Variants in TXNDC15 observed in about 807,000 individuals in gnomAD.
The protein encoded by TXNDC15 is thioredoxin domain-containing protein 15.
TXNDC15 carries 24 observed loss-of-function variants against 35.0 expected under a neutral mutation model. That is an observed-to-expected ratio of 0.68 (90% CI 0.50 to 0.96). The LOEUF (loss-of-function observed/expected upper bound fraction) is 0.96, where lower values mean the gene tolerates loss of function less well. TXNDC15 is among the 40% of genes least tolerant of loss of function. The probability of loss-of-function intolerance (pLI) is 0.00; values close to 1 mark genes in which losing one functional copy is unlikely to be tolerated. For synonymous variants in TXNDC15, 169 were observed against 174.0 expected, an observed-to-expected ratio of 0.97 and a Z score of 0.23; for missense variants, 385 against 453.3, an observed-to-expected ratio of 0.85 and a Z score of 1.37.
At chr5:134,874,326 C>G (rs930413660), upstream of TXNDC15, 2 of 981,296 alleles carry the variant, frequency 2.0e-6, no homozygotes, top group South Asian at 3.6e-5. Flanking sequence ...AAGATGGCGG[C>G]GCGGGGCCGC....
chr5:134,877,179 G>A (rs943981196), intron 1 of TXNDC15, among the ~76,000 whole-genome samples: 4 of 152,132 alleles, frequency 2.6e-5, no homozygotes, highest in Admixed American at 2.6e-4. Flanking sequence ...GGAGGATGAA[G>A]GATTTGGCAG....
intron 1 of TXNDC15, among the ~76,000 whole-genome samples, chr5:134,887,314 A>G (rs1348904572): frequency 6.6e-6 from 1 of 152,120 alleles, no homozygotes; most frequent in Non-Finnish European, 1.5e-5. Flanking sequence ...CCTCCCTAGT[A>G]GCTGGGATTA....
chr5:134,877,271 C>G (rs551484239), intron 1 of TXNDC15, among the ~76,000 whole-genome samples: 1 of 152,086 alleles, frequency 6.6e-6, no homozygotes, highest in South Asian at 2.1e-4. Flanking sequence ...TGATCAGGGA[C>G]TAGAGGGATC....
At chr5:134,873,805 G>C (rs1749966942), upstream of TXNDC15, 1 of 152,216 alleles carries the variant, frequency 6.6e-6, no homozygotes, top group Non-Finnish European at 1.5e-5. Context: ...GAGTGGATAG[G>C]TAGGGTTAGG....
At chr5:134,892,240 A>G (rs1321048169) in intron 2 of TXNDC15, 1 of 151,606 alleles carries the variant, frequency 6.6e-6, no homozygotes, top group East Asian at 1.9e-4. Flanking sequence ...CTCACCTTGC[A>G]CTTTTATGTT....
chr5:134,900,964 T>G lies in TXNDC15; in HGVS notation c.*1279T>G, dbSNP rs1750590873. The G allele has an allele frequency of 6.6e-6, 1 of 152,030 alleles. No homozygotes were observed. Among genetic ancestry groups the G allele is most frequent in the African/African-American group, 2.4e-5 (1 of 41,394 alleles). The allele number at this position is 152,030 out of a possible 1,614,324, so 9.4% of individuals were successfully genotyped here. A position where few individuals can be genotyped will look rare whatever the true frequency, so the allele number is the denominator to read the frequency against. ...CATCACACCCAGCTAATTTTTCTAT[T>G]TTTAGTAGAGATGGGGTTTTGCCAT... On this transcript the variant is annotated 3_prime_UTR_variant, in exon 5 of 5. Transcript: ENST00000358387.
chr5:134,881,787 C>T (rs1227746868), intron 1 of TXNDC15, among the ~76,000 whole-genome samples: 1 of 150,374 alleles, frequency 6.7e-6, no homozygotes, highest in Non-Finnish European at 1.5e-5. Flanking sequence ...CCCCTCACCT[C>T]CCGGACGGGG....
chr5:134,886,104 T>C (rs1297103679), intron 1 of TXNDC15, among the ~76,000 whole-genome samples: 2 of 151,120 alleles, frequency 1.3e-5, no homozygotes, highest in Non-Finnish European at 2.9e-5. Flanking sequence ...ATATCCCAAA[T>C]ACATTGATCT....
chr5:134,877,295 T>C (rs1455174556), intron 1 of TXNDC15, among the ~76,000 whole-genome samples: 2 of 151,762 alleles, frequency 1.3e-5, no homozygotes, highest in Non-Finnish European at 2.9e-5. Context: ...TGGCCACAGG[T>C]GAGAGTGCAG....
chr5:134,882,204 G>A (rs1216695427), intron 1 of TXNDC15, among the ~76,000 whole-genome samples: 3 of 150,086 alleles, frequency 2.0e-5, no homozygotes, highest in Middle Eastern at 3.5e-3. Flanking sequence ...CATCCCGGAC[G>A]GGGCGACAGG....
At chr5:134,881,078 A>G (rs1037304031) in intron 1 of TXNDC15, among the ~76,000 whole-genome samples, 5 of 149,378 alleles carry the variant, frequency 3.3e-5, no homozygotes, top group Non-Finnish European at 7.4e-5. Flanking sequence ...ACTGTACATT[A>G]GACCACTTGA....
At chr5:134,888,226 T>C in intron 2 of TXNDC15, 44 bp downstream of exon 2, 2 of 1,510,228 alleles carry the variant, frequency 1.3e-6, no homozygotes, top group Non-Finnish European at 1.8e-6. Context: ...TCAGTACATT[T>C]ATTTTATGAT....
chr5:134,893,355 T>C, intron 2 of TXNDC15, 137 bp from the exon 3 acceptor site: 1 of 960,802 alleles, frequency 1.0e-6, no homozygotes. Flanking sequence ...ATCCAAAAGG[T>C]TCCGAGGGTT....
chr5:134,874,315 T>A, upstream of TXNDC15: 1 of 862,000 alleles, frequency 1.2e-6, no homozygotes, highest in East Asian at 3.1e-5. Flanking sequence ...TGCCAGGTGT[T>A]AAGATGGCGG....
intron 1 of TXNDC15, among the ~76,000 whole-genome samples, chr5:134,886,888 G>A (rs1750286070): frequency 6.6e-6 from 1 of 152,200 alleles, no homozygotes; most frequent in East Asian, 1.9e-4. Context: ...TCTGTGCCTT[G>A]CCTCGTTACC....
chr5:134,893,480 C>G lies in TXNDC15; in HGVS notation c.592-12C>G. Reference sequence around the variant, plus strand: ...TTACTGCTAACTTTAATGCTTGTTTCTTTTACCACAGGACCTTATGGATTT... The same window carrying G: ...TTACTGCTAACTTTAATGCTTGTTTGTTTTACCACAGGACCTTATGGATTT... On this transcript the variant is annotated splice_polypyrimidine_tract_variant and intron_variant, in intron 2 of 4. Coordinates refer to ENST00000358387, the MANE Select transcript of TXNDC15 (RefSeq NM_024715.4). 6.2e-7 allele frequency: 1 copy of G among 1,613,666 alleles called. No individual in the cohort carries two copies. Among genetic ancestry groups the G allele is most frequent in the Non-Finnish European group, 8.5e-7 (1 of 1,179,616 alleles).
rs771960984 is a variant in TXNDC15, at chr5:134,887,764, A to T, written c.173A>T (p.Tyr58Phe). ...CACCCTCTCCAGGTGGGGGCTGTGT[A>T]CCTGGGTGAGGAGGAGCTCCTGCAT... Reference protein sequence around the residue: ...PAHPLQVGAVYLGEEELLHDP... With the variant: ...PAHPLQVGAVFLGEEELLHDP... Residue 58 changes from tyrosine (Y) to phenylalanine (F), a missense_variant, in exon 2 of 5, where the codon TAC becomes TTC. Tyr to Phe is a conservative substitution (Grantham distance 22). Transcript: ENST00000358387. 6 of 1,613,792 alleles carry T rather than the reference A, an allele frequency of 3.7e-6. No individual in the cohort carries two copies. Among genetic ancestry groups the T allele is most frequent in the Non-Finnish European group, 5.1e-6 (6 of 1,179,812 alleles).
rs1241411473 is a variant in TXNDC15, at chr5:134,900,189, A to G, written c.*504A>G. The G allele has an allele frequency of 1.3e-5, 2 of 152,266 alleles. No individual in the cohort carries two copies. The highest frequency in any genetic ancestry group is 2.9e-5 in the Non-Finnish European group (2 of 68,202). 9.4% of individuals were successfully genotyped at this position (152,266 alleles called of 1,614,324 possible). A position where few individuals can be genotyped will look rare whatever the true frequency, so the allele number is the denominator to read the frequency against. ...CCTCAAGTAGCAAGTGATGGAAAATAAGAGTCAAATACCTTGATGTTTGTG... is the reference window on the plus strand; with the variant it reads ...CCTCAAGTAGCAAGTGATGGAAAATGAGAGTCAAATACCTTGATGTTTGTG... On this transcript the variant is annotated 3_prime_UTR_variant, in exon 5 of 5. Transcript: ENST00000358387.
chr5:134,896,682 C>T (rs1299119042), intron 4 of TXNDC15, among the ~76,000 whole-genome samples: 4 of 130,326 alleles, frequency 3.1e-5, no homozygotes, highest in Admixed American at 9.0e-5. Flanking sequence ...CTTGCTCTGT[C>T]GCCCAGGCTG....
Sources: allele counts gnomAD v4.1 joint callset (sites outside exome capture counted in the v4.1 genomes callset), GRCh38; gene constraint gnomAD v4.1.1; transcripts MANE v1.5; gene names NCBI Gene and HGNC (gene_info 2026-07-23, HGNC 2026-07-21).